DTNB: variants seen among roughly 807,000 people sequenced by gnomAD.
DTNB encodes the protein DTN-B.
In DTNB, 63 loss-of-function variants were observed where a neutral mutation model predicts 90.7. The ratio of observed to expected loss-of-function variants is 0.69; its 90% CI spans 0.57 to 0.86. The LOEUF (loss-of-function observed/expected upper bound fraction) is 0.86. Ranked by LOEUF, DTNB falls within the 40% of genes least tolerant of loss-of-function variation. DTNB has a pLI of 0.00. For missense variants in DTNB, 744 were observed against 807.1 expected (o/e 0.92, Z 0.95); for synonymous variants, 277 against 286.7 (o/e 0.97, Z 0.34).
intron 5 of DTNB, among the ~76,000 whole-genome samples, chr2:25,598,562 C>T (rs868581054): frequency 6.6e-6 from 1 of 152,168 alleles, no homozygotes; most frequent in Non-Finnish European, 1.5e-5. Context: ...TAAAACCACA[C>T]CTATCTGACT....
intron 1 of DTNB, among the ~76,000 whole-genome samples, chr2:25,662,135 G>C (rs1011667060): frequency 6.8e-6 from 1 of 147,922 alleles, no homozygotes; most frequent in Non-Finnish European, 1.5e-5. Context: ...CAGCCTGGGT[G>C]ACAGAGCGAG....
intron 8 of DTNB, among the ~76,000 whole-genome samples, chr2:25,570,429 A>AAAG (rs1338183048): frequency 6.7e-6 from 1 of 149,556 alleles, no homozygotes; most frequent in Non-Finnish European, 1.5e-5. Flanking sequence ...AAAAAAAAAA[A>AAAG]AAGAAGAAAA....
chr2:25,432,998 C>G lies in DTNB; in HGVS notation c.1345G>C (p.Glu449Gln), dbSNP rs774029686. ...LIAELENKNREILQEIQRLRL... is the reference protein window; with the variant it reads ...LIAELENKNRQILQEIQRLRL... ...AGACGCTGAATCTCCTGCAGGATCT[C>G]TCTAGAGAGGATGGGTGAACGGAAA... The change falls in exon 14 of 21, where the codon GAG becomes CAG. Residue 449 changes from glutamate (E) to glutamine (Q), a missense_variant and splice_region_variant. Transcript: ENST00000406818. 10 of 1,602,698 alleles carry G rather than the reference C, an allele frequency of 6.2e-6. No individual in the cohort carries two copies. The highest frequency in any genetic ancestry group is 8.5e-6 in the Non-Finnish European group (10 of 1,175,970).
chr2:25,382,417 C>T (rs1403020494), intron 19 of DTNB, among the ~76,000 whole-genome samples: 2 of 151,914 alleles, frequency 1.3e-5, no homozygotes, highest in Non-Finnish European at 2.9e-5. Flanking sequence ...GAACAGCTCA[C>T]CCTCAAATGT....
At chr2:25,437,345 T>G (rs953756788) in intron 12 of DTNB, among the ~76,000 whole-genome samples, 5 of 151,986 alleles carry the variant, frequency 3.3e-5, no homozygotes, top group Admixed American at 6.6e-5. Flanking sequence ...CACTGCAGCC[T>G]CCGCCTCCTG....
intron 1 of DTNB, among the ~76,000 whole-genome samples, chr2:25,669,904 CAAA>C (rs779907434): frequency 2.5e-5 from 3 of 122,136 alleles, no homozygotes; most frequent in African/African-American, 3.0e-5. Flanking sequence ...GACCCTATCT[CAAA>C]AAAAAAAAAA....
intron 8 of DTNB, among the ~76,000 whole-genome samples, chr2:25,576,068 G>T (rs2060596826): frequency 6.6e-6 from 1 of 152,054 alleles, no homozygotes; most frequent in Non-Finnish European, 1.5e-5. Context: ...AACTTTACAG[G>T]CATAAATACT....
chr2:25,660,153 G>A (rs573389506), intron 1 of DTNB, among the ~76,000 whole-genome samples: 1 of 152,238 alleles, frequency 6.6e-6, no homozygotes, highest in South Asian at 2.1e-4. Flanking sequence ...AAGAGAGAAA[G>A]GACAGTCTTT....
chr2:25,629,760 A>G (rs541598422), intron 3 of DTNB, among the ~76,000 whole-genome samples: 22 of 152,352 alleles, frequency 1.4e-4, no homozygotes, highest in African/African-American at 5.3e-4. Flanking sequence ...AACTTCCTCA[A>G]CCTGATAAAG....
At chr2:25,642,420 A>T (rs1219858695) in intron 2 of DTNB, among the ~76,000 whole-genome samples, 1 of 146,666 alleles carries the variant, frequency 6.8e-6, no homozygotes, top group African/African-American at 2.5e-5. Flanking sequence ...CTGGGACACT[A>T]TTTTTTTTTT....
At chr2:25,461,938 G>A (rs888820292) in intron 10 of DTNB, among the ~76,000 whole-genome samples, 4 of 152,216 alleles carry the variant, frequency 2.6e-5, no homozygotes, top group African/African-American at 9.7e-5. Context: ...TGAACACTCC[G>A]TGAGGCTCCG....
rs1250560570 is a variant in DTNB, at chr2:25,387,415, G to C, written c.1736-37C>G. 3 of 1,595,750 alleles carry C rather than the reference G, an allele frequency of 1.9e-6. No homozygotes were observed. The Admixed American group carries it at 5.0e-5, about 27-fold the overall frequency. On this transcript the variant is annotated intron_variant, in intron 17 of 20. Transcript: ENST00000406818. The surrounding 1 kb of genome is among the most constrained non-coding windows in gnomAD (Gnocchi z 4.5). ...CAGAGCAGATGGGGATGCCAGGGTG[G>C]GTGAGCGTGGAGAAGAGACGGCTGA...
chr2:25,473,178 AC>A (rs1352768825), intron 10 of DTNB, among the ~76,000 whole-genome samples: 3 of 152,254 alleles, frequency 2.0e-5, no homozygotes, highest in Non-Finnish European at 2.9e-5. Context: ...TGAGAACTGT[AC>A]CACAGCACTG....
intron 8 of DTNB, among the ~76,000 whole-genome samples, chr2:25,546,529 C>G (rs944707230): frequency 1.3e-5 from 2 of 152,172 alleles, no homozygotes; most frequent in Non-Finnish European, 2.9e-5. Flanking sequence ...AATATTAGTT[C>G]CACTTACCTT....
At chr2:25,457,376 G>A (rs1475580546) in intron 10 of DTNB, among the ~76,000 whole-genome samples, 6 of 152,024 alleles carry the variant, frequency 3.9e-5, no homozygotes, top group African/African-American at 9.7e-5. Context: ...AGGATCCCTC[G>A]TTCCGTTTAC....
At chr2:25,516,918 T>C (rs1016323733) in intron 9 of DTNB, among the ~76,000 whole-genome samples, 6 of 152,004 alleles carry the variant, frequency 3.9e-5, no homozygotes, top group Non-Finnish European at 7.4e-5. Context: ...AAGTTAAATA[T>C]ATGCTTGCAC....
Position 25,633,749 on chromosome 2 carries a change from A to G in DTNB, c.148+5265T>C, listed in dbSNP as rs1039220019. Among the ~76,000 whole-genome samples, 7 of 150,098 alleles carry G rather than the reference A, an allele frequency of 4.7e-5. No homozygotes were observed. In the South Asian group the frequency reaches 1.1e-3, roughly 23 times the overall value. On this transcript the variant is annotated intron_variant, in intron 3 of 20. Transcript: ENST00000406818. ...CCTCTTCCCGACCGCCATCCCATCT[A>G]GGAAGTGAGGAAGTGAGGAGCGTCT...
chr2:25,660,897 AAAG>A (rs1178121731), intron 1 of DTNB, among the ~76,000 whole-genome samples: 2 of 152,236 alleles, frequency 1.3e-5, no homozygotes, highest in Non-Finnish European at 2.9e-5. Context: ...AAAGTGCAAC[AAAG>A]TACATTCCTG....
At chr2:25,393,084 C>T (rs1038031942) in intron 16 of DTNB, among the ~76,000 whole-genome samples, 10 of 152,242 alleles carry the variant, frequency 6.6e-5, no homozygotes, top group African/African-American at 1.9e-4. Context: ...GTTTAACATA[C>T]GTAAGTCAAT....
Sources: allele counts gnomAD v4.1 joint callset (sites outside exome capture counted in the v4.1 genomes callset), GRCh38; gene constraint gnomAD v4.1.1; non-coding constraint Gnocchi (gnomAD v3.1); transcripts MANE v1.5; gene names NCBI Gene and HGNC (gene_info 2026-07-23, HGNC 2026-07-21).